Variants in OSBPL6 observed in about 807,000 individuals in gnomAD.
OSBPL6 encodes oxysterol-binding protein-related protein 6.
A neutral mutation model predicts 125.8 loss-of-function variants in OSBPL6; 49 were observed. That is an observed-to-expected ratio of 0.39 (90% CI 0.31 to 0.49). The LOEUF (loss-of-function observed/expected upper bound fraction) is 0.49. Ranked by LOEUF, OSBPL6 falls within the 20% of genes least tolerant of loss-of-function variation. The probability of loss-of-function intolerance (pLI) is 0.88; values close to 1 mark genes in which losing one functional copy is unlikely to be tolerated. For missense variants in OSBPL6, 986 were observed against 1,135.4 expected (o/e 0.87, Z 1.89); for synonymous variants, 394 against 391.8 (o/e 1.01, Z -0.07).
intron 17 of OSBPL6, among the ~76,000 whole-genome samples, chr2:178,383,785 C>A (rs138023685): frequency 1.3e-3 from 200 of 152,340 alleles, no homozygotes; most frequent in African/African-American, 4.3e-3. Context: ...CTGTGATACT[C>A]ATGACGTTGG....
At position 178,332,907 on chromosome 2, in the gene OSBPL6, A is replaced by G; in HGVS notation, c.523A>G (p.Lys175Glu). 6.2e-7 allele frequency: 1 copy of G among 1,613,964 alleles called. No homozygotes were observed. Among genetic ancestry groups the G allele is most frequent in the Non-Finnish European group, 8.5e-7 (1 of 1,179,820 alleles). Residue 175 changes from lysine to glutamate, a missense_variant, in exon 8 of 25, where the codon AAA becomes GAA. Coordinates refer to ENST00000190611, the MANE Select transcript of OSBPL6 (RefSeq NM_032523.4). ...GGACTGGTTTGATGCATGGGTCTCC[A>G]AACTGCGACATCATCGGTTGTATCG... Reference protein sequence around the residue: ...SQDWFDAWVSKLRHHRLYRQN... With the variant: ...SQDWFDAWVSELRHHRLYRQN...
At chr2:178,350,733 A>G (rs1012674990) in intron 12 of OSBPL6, among the ~76,000 whole-genome samples, 4 of 152,336 alleles carry the variant, frequency 2.6e-5, no homozygotes, top group Admixed American at 2.0e-4. Flanking sequence ...TGTTTATGTA[A>G]CAGCATAGAT....
chr2:178,307,326 ACTCT>A lies in OSBPL6; in HGVS notation c.102+1046_102+1049del, dbSNP rs201245107. ...ATGCTTTTTAGGAAACCCTCCCAACACTCTCTCTCCCTTTTTAGCAAGAAATTCC... is the reference window on the plus strand; with the variant it reads ...ATGCTTTTTAGGAAACCCTCCCAACACTCTCCCTTTTTAGCAAGAAATTCC... On this transcript the variant is annotated intron_variant, in intron 3 of 24. Transcript: ENST00000190611. Among the ~76,000 whole-genome samples the A allele has an allele frequency of 7.9e-3, 1,200 of 151,808 alleles. 11 individuals carry two copies. The highest frequency in any genetic ancestry group is 0.027 in the African/African-American group (1,130 of 41,360).
chr2:178,382,589 T>A, intron 16 of OSBPL6, 82 bp downstream of exon 16: 6 of 1,572,984 alleles, frequency 3.8e-6, no homozygotes, highest in Non-Finnish European at 5.2e-6. Context: ...GCATTCCCCC[T>A]CCCACGCCAC....
At chr2:178,302,298 T>C (rs907612779) in intron 2 of OSBPL6, among the ~76,000 whole-genome samples, 2 of 152,216 alleles carry the variant, frequency 1.3e-5, no homozygotes, top group Admixed American at 6.5e-5. Context: ...ACGTTTCTCA[T>C]TGAGTATAGT....
In OSBPL6 at chr2:178,361,824, A is replaced by G; in HGVS notation, c.1287+9A>G. On this transcript the variant is annotated intron_variant, in intron 13 of 24. Coordinates refer to ENST00000190611, the MANE Select transcript of OSBPL6 (RefSeq NM_032523.4). ...GACAGTCACTGTCTCAGGTAGGCAA[A>G]GAGTGTGTGTTTGCATGTACATGAC... 6.2e-7 allele frequency: 1 copy of G among 1,613,914 alleles called. No homozygotes were observed. Among genetic ancestry groups the G allele is most frequent in the South Asian group, 1.1e-5 (1 of 91,066 alleles).
chr2:178,218,629 C>CT (rs200659609), intron 1 of OSBPL6, among the ~76,000 whole-genome samples: 3 of 96,708 alleles, frequency 3.1e-5, no homozygotes, highest in African/African-American at 1.7e-4. Flanking sequence ...CCCCTTCTTT[C>CT]TTTCTTTTTT....
At position 178,383,228 on chromosome 2, in the gene OSBPL6, G is replaced by A; in HGVS notation, c.1826G>A (p.Ser609Asn). Residue 609 changes from serine to asparagine, a missense_variant, in exon 17 of 25, where the codon AGC (serine) becomes AAC (asparagine). Around this residue, in one of 3 missense-constraint regions of OSBPL6, gnomAD observed 843 missense variants for 997.3 expected, o/e 0.85. Coordinates refer to ENST00000190611, the MANE Select transcript of OSBPL6 (RefSeq NM_032523.4). ...LQHLCEEMEY[S>N]ELLDKASETD... ...CACCTCTGTGAGGAAATGGAATACA[G>A]CGAGCTCCTGGACAAGGCTTCGGAA... is the stretch of plus-strand genomic sequence containing the variant. The A allele has an allele frequency of 1.2e-6, 2 of 1,614,204 alleles. No homozygotes were observed. Among genetic ancestry groups the A allele is most frequent in the South Asian group, 1.1e-5 (1 of 91,088 alleles).
chr2:178,285,806 T>C (rs1420560110), intron 2 of OSBPL6, among the ~76,000 whole-genome samples: 1 of 152,222 alleles, frequency 6.6e-6, no homozygotes, highest in African/African-American at 2.4e-5. Context: ...ATTAATCGTC[T>C]TCGGGAGCTT....
At chr2:178,260,380 T>C (rs1199699703) in intron 1 of OSBPL6, among the ~76,000 whole-genome samples, 2 of 152,066 alleles carry the variant, frequency 1.3e-5, no homozygotes, top group Non-Finnish European at 2.9e-5. Flanking sequence ...TATATGTATA[T>C]GTGTATGTGT....
chr2:178,307,072 CT>C (rs1189774573), intron 3 of OSBPL6, among the ~76,000 whole-genome samples: 1 of 152,080 alleles, frequency 6.6e-6, no homozygotes, highest in Non-Finnish European at 1.5e-5. Flanking sequence ...GTGTTATTAC[CT>C]TTTTATAAAA....
chr2:178,307,926 C>T (rs1686925676), intron 3 of OSBPL6, among the ~76,000 whole-genome samples: 1 of 152,196 alleles, frequency 6.6e-6, no homozygotes, highest in Non-Finnish European at 1.5e-5. Flanking sequence ...TAGGGAAACA[C>T]TGAGACCCTG....
chr2:178,395,208 G>A (rs1359957303), intron 24 of OSBPL6, among the ~76,000 whole-genome samples: 3 of 152,144 alleles, frequency 2.0e-5, no homozygotes, highest in African/African-American at 7.2e-5. Context: ...CTGCCAGGAG[G>A]TAATTTGTTC....
chr2:178,231,774 A>G (rs542994606), intron 1 of OSBPL6, among the ~76,000 whole-genome samples: 1 of 151,460 alleles, frequency 6.6e-6, no homozygotes, highest in African/African-American at 2.4e-5. Flanking sequence ...ATCCTCCCAA[A>G]TAGCTGAGAC....
At chr2:178,294,238 G>T (rs1353762826) in intron 2 of OSBPL6, among the ~76,000 whole-genome samples, 1 of 151,968 alleles carries the variant, frequency 6.6e-6, no homozygotes, top group East Asian at 1.9e-4. Context: ...GCACTGCATT[G>T]TTCCATATAA....
intron 14 of OSBPL6, among the ~76,000 whole-genome samples, chr2:178,372,484 A>G (rs142477295): frequency 3.3e-5 from 5 of 151,990 alleles, no homozygotes; most frequent in African/African-American, 9.6e-5. Flanking sequence ...TTTGATTTAT[A>G]TATCTACTCC....
chr2:178,207,728 G>C (rs909233971), intron 1 of OSBPL6, among the ~76,000 whole-genome samples: 2 of 152,106 alleles, frequency 1.3e-5, no homozygotes, highest in Non-Finnish European at 2.9e-5. Context: ...GTGTTTGTCT[G>C]GGGAGGAGGG....
In OSBPL6 at chr2:178,366,476, G is replaced by A. The variant is rs552185755; in HGVS notation, c.1287+4661G>A. Among the ~76,000 whole-genome samples the A allele has an allele frequency of 3.7e-4, 57 of 152,142 alleles. No homozygotes were observed. The South Asian group carries it at 0.012, about 32-fold the overall frequency. The stretch of plus-strand genomic sequence containing the variant: ...TCACTGTATTTTATTAAATCAAGAT[G>A]CCATCAATTATTACATGCATCATCA... On this transcript the variant is annotated intron_variant, in intron 13 of 24. Transcript: ENST00000190611.
chr2:178,254,116 G>C (rs760642551), intron 1 of OSBPL6, among the ~76,000 whole-genome samples: 1 of 152,166 alleles, frequency 6.6e-6, no homozygotes, highest in African/African-American at 2.4e-5. Flanking sequence ...TCCTTTGGCC[G>C]GGTATGGTGG....
Sources: gnomAD v4.1 joint callset for allele counts (sites outside exome capture counted in the v4.1 genomes callset) on GRCh38, gnomAD v4.1.1 for gene constraint, gnomAD v4.1.1 regional missense constraint, MANE v1.5 for transcripts, NCBI Gene and HGNC (gene_info 2026-07-23, HGNC 2026-07-21) for gene names.